NEO1: variants seen among roughly 807,000 people sequenced by gnomAD.
NEO1 encodes neogenin.
A neutral mutation model predicts 159.7 loss-of-function variants in NEO1; 63 were observed. That is an observed-to-expected ratio of 0.39 (90% CI 0.32 to 0.49). The LOEUF (loss-of-function observed/expected upper bound fraction) is 0.49. Among genes scored for constraint, NEO1 ranks in the 20% least tolerant of loss-of-function variants. The pLI, the probability that NEO1 is intolerant of heterozygous loss-of-function variation, is 0.85. For synonymous variants in NEO1, 633 were observed against 662.0 expected, an observed-to-expected ratio of 0.96 and a Z score of 0.67; for missense variants, 1,615 against 1,831.0, an observed-to-expected ratio of 0.88 and a Z score of 2.15.
intron 5 of NEO1, among the ~76,000 whole-genome samples, chr15:73,153,652 C>T (rs895305508): frequency 6.6e-6 from 1 of 152,200 alleles, no homozygotes; most frequent in African/African-American, 2.4e-5. Flanking sequence ...CCAATGATTA[C>T]GTAATATAAT....
At chr15:73,137,151 C>G (rs890013138) in intron 5 of NEO1, among the ~76,000 whole-genome samples, 3 of 152,100 alleles carry the variant, frequency 2.0e-5, no homozygotes, top group Non-Finnish European at 4.4e-5. Flanking sequence ...CCTTGATGCA[C>G]GTTAGTTTAT....
In NEO1 at chr15:73,302,722, A is replaced by C. The variant is rs1230699838; in HGVS notation, c.*26A>C. The C allele has an allele frequency of 6.2e-7, 1 of 1,603,264 alleles. No individual in the cohort carries two copies. The highest frequency in any genetic ancestry group is 8.5e-7 in the Non-Finnish European group (1 of 1,171,740). On this transcript the variant is annotated 3_prime_UTR_variant, in exon 29 of 29. Coordinates refer to ENST00000261908, the MANE Select transcript of NEO1 (RefSeq NM_002499.4). ...CGACCTTCACCAGGACCTGACTTCA[A>C]ACCTGAGTCTGGAAGTCTTGGAACT... is the stretch of plus-strand genomic sequence containing the variant.
chr15:73,088,306 T>C (rs943777656), intron 1 of NEO1, among the ~76,000 whole-genome samples: 1 of 151,886 alleles, frequency 6.6e-6, no homozygotes, highest in African/African-American at 2.4e-5. Flanking sequence ...AAGGAAGATA[T>C]TGAACCAGGA....
At chr15:73,183,307 G>A (rs1465184435) in intron 7 of NEO1, among the ~76,000 whole-genome samples, 1 of 152,110 alleles carries the variant, frequency 6.6e-6, no homozygotes, top group Non-Finnish European at 1.5e-5. Context: ...TGGGGGAGGG[G>A]CAGAAAACCT....
At chr15:73,294,492 G>T (rs575006531) in intron 26 of NEO1, among the ~76,000 whole-genome samples, 1 of 152,092 alleles carries the variant, frequency 6.6e-6, no homozygotes, top group Non-Finnish European at 1.5e-5. Context: ...CTGGAAATTT[G>T]GGTTTCCAGT....
At chr15:73,189,777 A>G (rs952624948) in intron 7 of NEO1, among the ~76,000 whole-genome samples, 1 of 152,256 alleles carries the variant, frequency 6.6e-6, no homozygotes, top group African/African-American at 2.4e-5. Context: ...CTTAATAATT[A>G]TAGTTAAAAT....
At chr15:73,147,180 G>A (rs1366048749) in intron 5 of NEO1, among the ~76,000 whole-genome samples, 1 of 152,126 alleles carries the variant, frequency 6.6e-6, no homozygotes, top group African/African-American at 2.4e-5. Context: ...GTGTTGTGAG[G>A]AATATCCTTG....
At chr15:73,156,036 T>A (rs2033746241) in intron 5 of NEO1, among the ~76,000 whole-genome samples, 1 of 152,262 alleles carries the variant, frequency 6.6e-6, no homozygotes, top group Admixed American at 6.5e-5. Context: ...TCATACTTCC[T>A]ATATCTTTAC....
At chr15:73,295,045 G>T (rs2042302619) in intron 26 of NEO1, among the ~76,000 whole-genome samples, 2 of 150,440 alleles carry the variant, frequency 1.3e-5, no homozygotes, top group Non-Finnish European at 3.0e-5. Flanking sequence ...TTGGGTGGCT[G>T]AGGCAGGAGG....
At chr15:73,235,164 ACT>A (rs886140853) in intron 7 of NEO1, among the ~76,000 whole-genome samples, 15 of 151,898 alleles carry the variant, frequency 9.9e-5, no homozygotes, top group African/African-American at 3.1e-4. Context: ...ATCACATTAC[ACT>A]CTCGCAGTTC....
At chr15:73,063,201 A>G (rs1316356388) in intron 1 of NEO1, among the ~76,000 whole-genome samples, 1 of 152,174 alleles carries the variant, frequency 6.6e-6, no homozygotes, top group Non-Finnish European at 1.5e-5. Flanking sequence ...CCCTGCAGGC[A>G]TGTCATGGCC....
At position 73,269,865 on chromosome 15, in the gene NEO1, T is replaced by C. The variant is rs1056333901; in HGVS notation, c.2495-145T>C. Reference sequence around the variant, plus strand: ...AAGTGGAAATAGTCTTTTAAATGAATGGTGGTTATCTATTAACTCTGAATT... The same window carrying C: ...AAGTGGAAATAGTCTTTTAAATGAACGGTGGTTATCTATTAACTCTGAATT... On this transcript the variant is annotated intron_variant, in intron 16 of 28. Coordinates refer to ENST00000261908, the MANE Select transcript of NEO1 (RefSeq NM_002499.4). The C allele has an allele frequency of 8.5e-6, 6 of 701,978 alleles. No individual in the cohort carries two copies. The African/African-American group carries it at 1.1e-4, about 12-fold the overall frequency. The allele number at this position is 701,978 out of a possible 1,614,324, so 43.5% of individuals were successfully genotyped here.
intron 1 of NEO1, among the ~76,000 whole-genome samples, chr15:73,095,389 T>G (rs2069957583): frequency 6.6e-6 from 1 of 152,218 alleles, no homozygotes; most frequent in Non-Finnish European, 1.5e-5. Flanking sequence ...ACATATTTTC[T>G]GTCTGGCCCT....
chr15:73,128,452 GAAAT>G (rs1410503862), intron 4 of NEO1, among the ~76,000 whole-genome samples: 1 of 152,082 alleles, frequency 6.6e-6, no homozygotes, highest in African/African-American at 2.4e-5. Context: ...TTTTATGTCA[GAAAT>G]AAATGTGAGG....
intron 1 of NEO1, among the ~76,000 whole-genome samples, chr15:73,100,988 A>C (rs796231719): frequency 8.5e-5 from 13 of 152,298 alleles, no homozygotes; most frequent in African/African-American, 3.1e-4. Context: ...ACTAACTACC[A>C]CCAGACCTAC....
rs1380935326 is a variant in NEO1, at chr15:73,237,801, T to C, written c.1451+1295T>C. ...CCATTAAAATATCTTCAATAGACTT[T>C]GAAATCTCATTGAAAATCTCATAAG... On this transcript the variant is annotated intron_variant, in intron 8 of 28. Transcript: ENST00000261908. Among the ~76,000 whole-genome samples the C allele has an allele frequency of 5.3e-5, 8 of 152,368 alleles. No homozygotes were observed. In the South Asian group the frequency reaches 1.7e-3, roughly 32 times the overall value.
intron 7 of NEO1, among the ~76,000 whole-genome samples, chr15:73,223,691 T>G (rs1211413274): frequency 6.6e-6 from 1 of 152,214 alleles, no homozygotes; most frequent in Admixed American, 6.5e-5. Context: ...GTGAGTCTCC[T>G]GAAGGCAGCA....
At chr15:73,218,767 G>A (rs1223895556) in intron 7 of NEO1, among the ~76,000 whole-genome samples, 1 of 152,128 alleles carries the variant, frequency 6.6e-6, no homozygotes, top group Admixed American at 6.6e-5. Flanking sequence ...GGGATCGGTG[G>A]TGATATCCCC....
chr15:73,276,015 G>A (rs1013334119), intron 21 of NEO1, among the ~76,000 whole-genome samples: 2 of 152,184 alleles, frequency 1.3e-5, no homozygotes, highest in African/African-American at 4.8e-5. Context: ...TGAGTCTTTT[G>A]CACTACATTG....
Sources: allele counts gnomAD v4.1 joint callset (sites outside exome capture counted in the v4.1 genomes callset), GRCh38; gene constraint gnomAD v4.1.1; transcripts MANE v1.5; gene names NCBI Gene and HGNC (gene_info 2026-07-23, HGNC 2026-07-21).